Variants in SLC6A6 observed in about 807,000 individuals in gnomAD.
The protein encoded by SLC6A6 is sodium- and chloride-dependent taurine transporter.
SLC6A6 carries 16 observed loss-of-function variants against 68.8 expected under a neutral mutation model. The observed-to-expected ratio is 0.23, with a 90% CI of 0.16 to 0.35. The LOEUF is 0.35. SLC6A6 is among the 10% of genes least tolerant of loss of function. The pLI is 1.00. For synonymous variants in SLC6A6, 312 were observed against 315.4 expected (o/e 0.99, Z 0.12); for missense variants, 474 against 802.8 (o/e 0.59, Z 4.95).
At chr3:14,444,480 G>C (rs1700066053) in intron 3 of SLC6A6, 1 of 247,282 alleles carries the variant, frequency 4.0e-6, no homozygotes, top group Non-Finnish European at 8.2e-6. Flanking sequence ...CCTGCTGAAG[G>C]CTCCGAGCAG....
Position 14,488,556 on chromosome 3 carries a change from G to A in SLC6A6, c.*3549G>A, listed in dbSNP as rs1701239710. The A allele has an allele frequency of 6.6e-6, 1 of 152,234 alleles. No individual in the cohort carries two copies. Among genetic ancestry groups the A allele is most frequent in the Non-Finnish European group, 1.5e-5 (1 of 68,106 alleles). 9.4% of individuals were successfully genotyped at this position (152,234 alleles called of 1,614,324 possible). ...AGACACAAGCCAGGAAAGGACCCAAGAGAAAATCCTTCAAGGTGGCCTGAG... is the reference window on the plus strand; with the variant it reads ...AGACACAAGCCAGGAAAGGACCCAAAAGAAAATCCTTCAAGGTGGCCTGAG... On this transcript the variant is annotated 3_prime_UTR_variant, in exon 15 of 15. Transcript: ENST00000622186.
intron 1 of SLC6A6, among the ~76,000 whole-genome samples, chr3:14,403,990 G>T (rs952887412): frequency 6.6e-6 from 1 of 152,326 alleles, no homozygotes; most frequent in East Asian, 1.9e-4. Context: ...AGCTTGGGAG[G>T]CAGCCTGGGC....
At chr3:14,440,517 C>A (rs990058167) in intron 2 of SLC6A6, among the ~76,000 whole-genome samples, 1 of 151,986 alleles carries the variant, frequency 6.6e-6, no homozygotes, top group African/African-American at 2.4e-5. Flanking sequence ...TGGTGAGGAG[C>A]CTGTGTTTTC....
chr3:14,403,441 C>T (rs970945922), intron 1 of SLC6A6, among the ~76,000 whole-genome samples: 2 of 152,114 alleles, frequency 1.3e-5, no homozygotes, highest in Non-Finnish European at 2.9e-5. Context: ...GTCTCCAGGT[C>T]CCTGGTTGTG....
chr3:14,453,140 T>C (rs1700292426), intron 5 of SLC6A6, among the ~76,000 whole-genome samples: 1 of 152,208 alleles, frequency 6.6e-6, no homozygotes, highest in Middle Eastern at 3.2e-3. Context: ...GGGAGAGCCA[T>C]GGCCAATAAA....
In SLC6A6 at chr3:14,481,616, C is replaced by A. The variant is rs1701008438; in HGVS notation, c.1552-55C>A. On this transcript the variant is annotated intron_variant, in intron 13 of 14. Coordinates refer to ENST00000622186, the MANE Select transcript of SLC6A6 (RefSeq NM_003043.6). This position sits in a 1 kb window ranked among gnomAD's most constrained non-coding sequence, Gnocchi z 4.7. Reference sequence around the variant, plus strand: ...TGAGGCCAGTCCTAGTCCCAGAAGCCCCCCACCCCCCGATGCCCAGGACCC... The same window carrying A: ...TGAGGCCAGTCCTAGTCCCAGAAGCACCCCACCCCCCGATGCCCAGGACCC... 39 of 1,255,176 alleles carry A rather than the reference C, an allele frequency of 3.1e-5. 1 individual carries two copies. In the South Asian group the frequency reaches 4.1e-4, roughly 13 times the overall value. The allele number at this position is 1,255,176 out of a possible 1,614,324, so 77.8% of individuals were successfully genotyped here. A position where few individuals can be genotyped will look rare whatever the true frequency, so the allele number is the denominator to read the frequency against.
intron 2 of SLC6A6, among the ~76,000 whole-genome samples, chr3:14,437,372 C>G (rs1260302862): frequency 6.6e-6 from 1 of 152,116 alleles, no homozygotes; most frequent in African/African-American, 2.4e-5. Flanking sequence ...ACCCTCCCAC[C>G]TCAGCCTCCC....
At chr3:14,476,727 C>T (rs1046734130) in intron 10 of SLC6A6, among the ~76,000 whole-genome samples, 7 of 152,198 alleles carry the variant, frequency 4.6e-5, no homozygotes, top group South Asian at 2.1e-4. Context: ...TGGCAGGGCT[C>T]GGCATTCGAG....
intron 1 of SLC6A6, among the ~76,000 whole-genome samples, chr3:14,403,746 T>C (rs537040854): frequency 7.8e-4 from 119 of 152,354 alleles, no homozygotes; most frequent in Non-Finnish European, 1.5e-3. Context: ...GGTTCCTCTT[T>C]TGAGTAGGAG....
intron 1 of SLC6A6, among the ~76,000 whole-genome samples, chr3:14,414,659 G>T (rs1699325310): frequency 6.6e-6 from 1 of 152,098 alleles, no homozygotes; most frequent in Non-Finnish European, 1.5e-5. Flanking sequence ...CCAAGTGGGT[G>T]GGACTACAGG....
chr3:14,484,933 C>T lies in SLC6A6; in HGVS notation c.1789C>T (p.Pro597Ser), dbSNP rs758883547. The T allele has an allele frequency of 6.2e-7, 1 of 1,612,764 alleles. No individual in the cohort carries two copies. Among genetic ancestry groups the T allele is most frequent in the Non-Finnish European group, 8.5e-7 (1 of 1,179,894 alleles). The change falls in exon 15 of 15, where the codon CCT becomes TCT. Residue 597 changes from proline to serine, a missense_variant. By Grantham distance (74) the Pro-to-Ser change is moderately conservative. Transcript: ENST00000622186. ...GGCTGTGGAGCGCGAGGGAGCCACACCTTACAACTCTCGCACCGTCATGAA... is the reference window on the plus strand; with the variant it reads ...GGCTGTGGAGCGCGAGGGAGCCACATCTTACAACTCTCGCACCGTCATGAA... ...RWAVEREGAT[P>S]YNSRTVMNGA...
chr3:14,430,404 ACCATGTCC>A (rs1157551926), intron 2 of SLC6A6, among the ~76,000 whole-genome samples: 3 of 152,028 alleles, frequency 2.0e-5, no homozygotes, highest in Non-Finnish European at 4.4e-5. Flanking sequence ...CAGAAGGTAT[ACCATGTCC>A]CCAGCACCCC....
chr3:14,479,565 G>A (rs1004903210), intron 13 of SLC6A6, among the ~76,000 whole-genome samples: 3 of 152,142 alleles, frequency 2.0e-5, no homozygotes, highest in African/African-American at 7.2e-5. Flanking sequence ...GGGTCACTGG[G>A]GAAGTAGAGG....
At position 14,467,802 on chromosome 3, in the gene SLC6A6, C is replaced by T. The variant is rs371049922; in HGVS notation, c.868-51C>T. Reference sequence around the variant, plus strand: ...ACCCTCGCTGCCTCCTCCAGGAAGCCAGCTCTGACAGCCCTCCTCTCTTTC... The same window carrying T: ...ACCCTCGCTGCCTCCTCCAGGAAGCTAGCTCTGACAGCCCTCCTCTCTTTC... On this transcript the variant is annotated intron_variant, in intron 7 of 14. Transcript: ENST00000622186. 3.5e-5 allele frequency: 42 copies of T among 1,210,986 alleles called. No individual in the cohort carries two copies. The African/African-American group carries it at 6.4e-4, about 18-fold the overall frequency. The allele number at this position is 1,210,986 out of a possible 1,614,324, so 75.0% of individuals were successfully genotyped here. A position where few individuals can be genotyped will look rare whatever the true frequency, so the allele number is the denominator to read the frequency against.
At position 14,435,000 on chromosome 3, in the gene SLC6A6, G is replaced by A. The variant is rs571684353; in HGVS notation, c.-11-8624G>A. Among the ~76,000 whole-genome samples, 40 of 152,328 alleles carry A rather than the reference G, an allele frequency of 2.6e-4. 1 individual carries two copies. The South Asian group carries it at 6.2e-3, about 24-fold the overall frequency. ...GTTGGCTGTCTATTAGACTCATACC[G>A]TGTCTCGCCACCCCCGGCGTTGTTC... is the stretch of plus-strand genomic sequence containing the variant. On this transcript the variant is annotated intron_variant, in intron 2 of 14. Coordinates refer to ENST00000622186, the MANE Select transcript of SLC6A6 (RefSeq NM_003043.6).
At chr3:14,454,296 G>T (rs1559303559) in intron 5 of SLC6A6, among the ~76,000 whole-genome samples, 1 of 152,210 alleles carries the variant, frequency 6.6e-6, no homozygotes, top group African/African-American at 2.4e-5. Flanking sequence ...TGCTGGGAGA[G>T]CTGTGTTAAC....
At position 14,472,389 on chromosome 3, in the gene SLC6A6, C is replaced by T; in HGVS notation, c.1209+72C>T. On this transcript the variant is annotated intron_variant, in intron 10 of 14. Coordinates refer to ENST00000622186, the MANE Select transcript of SLC6A6 (RefSeq NM_003043.6). The surrounding 1 kb of genome is among the most constrained non-coding windows in gnomAD (Gnocchi z 4.5). ...TGACTCTGGGAAAGACTCCTTATTC[C>T]ACCTGGGAGGTGGTCAACCCCCTTC... 1.1e-6 allele frequency: 1 copy of T among 938,544 alleles called. No homozygotes were observed. The highest frequency in any genetic ancestry group is 1.3e-5 in the South Asian group (1 of 75,190). 58.1% of individuals were successfully genotyped at this position (938,544 alleles called of 1,614,324 possible). A position where few individuals can be genotyped will look rare whatever the true frequency, so the allele number is the denominator to read the frequency against.
chr3:14,455,605 G>A (rs1440189912), intron 5 of SLC6A6, among the ~76,000 whole-genome samples: 1 of 152,212 alleles, frequency 6.6e-6, no homozygotes, highest in East Asian at 1.9e-4. Context: ...CCTCAGGGAG[G>A]CTTCCTTTGA....
Position 14,443,708 on chromosome 3 carries a change from G to T in SLC6A6, c.74G>T (p.Ser25Ile). The change falls in exon 3 of 15, where the codon AGC becomes ATC. Residue 25 changes from serine (S) to isoleucine (I), a missense_variant. Physicochemically the swap from Ser to Ile is moderately radical, Grantham distance 142 (BLOSUM62 -2). This residue lies in a region of SLC6A6 where 280 missense variants were observed against 533.1 expected (regional missense o/e 0.53). Transcript: ENST00000622186. The part of the protein sequence containing the change: ...KDILKPSPGK[S>I]PGTRPEDEAE... ...ATCCTGAAGCCCTCACCAGGGAAGAGCCCAGGCACGCGGCCTGAGGACGAG... is the reference window on the plus strand; with the variant it reads ...ATCCTGAAGCCCTCACCAGGGAAGATCCCAGGCACGCGGCCTGAGGACGAG... 1 of 1,614,144 alleles carries T rather than the reference G, an allele frequency of 6.2e-7. No homozygotes were observed. The highest frequency in any genetic ancestry group is 8.5e-7 in the Non-Finnish European group (1 of 1,179,974).
Sources: allele counts gnomAD v4.1 joint callset (sites outside exome capture counted in the v4.1 genomes callset), GRCh38; gene constraint gnomAD v4.1.1; regional missense constraint gnomAD v4.1.1; non-coding constraint Gnocchi (gnomAD v3.1); transcripts MANE v1.5; gene names NCBI Gene and HGNC (gene_info 2026-07-23, HGNC 2026-07-21).